C1orf167: variants seen among roughly 807,000 people sequenced by gnomAD.
C1orf167 encodes the protein uncharacterized protein C1orf167.
Under a neutral mutation model 176.5 loss-of-function variants are expected in C1orf167, and 153 were observed. The ratio of observed to expected loss-of-function variants is 0.87; its 90% confidence interval spans 0.76 to 0.99. The LOEUF (loss-of-function observed/expected upper bound fraction) is 0.99. Ranked by LOEUF, C1orf167 falls within the 50% of genes least tolerant of loss-of-function variation. The pLI is 0.00. For synonymous variants in C1orf167, 594 were observed against 752.7 expected (o/e 0.79, Z 3.45); for missense variants, 1,490 against 1,817.7 (o/e 0.82, Z 3.28).
chr1:11,767,296 G>A, intron 4 of C1orf167, 32 bp downstream of exon 4: 1 of 1,206,450 alleles, frequency 8.3e-7, no homozygotes, highest in South Asian at 1.3e-5. Context: ...GACAGGGGTT[G>A]GAGTTGGGGG....
chr1:11,779,102 C>T lies in C1orf167; in HGVS notation c.2651+22C>T, dbSNP rs1342582920. ...GGCGGTAGGGATCCCTCCCCATCCG[C>T]CCGCCACTCTATGGACTTACTGTTT... On this transcript the variant is annotated intron_variant, in intron 12 of 20. Coordinates refer to ENST00000688073, the MANE Select transcript of C1orf167 (RefSeq NM_001010881.2). 5 of 1,224,860 alleles carry T rather than the reference C, an allele frequency of 4.1e-6. No individual in the cohort carries two copies. In the African/African-American group the frequency reaches 7.9e-5, roughly 19 times the overall value. The allele number at this position is 1,224,860 out of a possible 1,614,324, so 75.9% of individuals were successfully genotyped here. A position where few individuals can be genotyped will look rare whatever the true frequency, so the allele number is the denominator to read the frequency against.
intron 8 of C1orf167, among the ~76,000 whole-genome samples, chr1:11,774,242 G>C (rs1643209167): frequency 6.6e-6 from 1 of 151,868 alleles, no homozygotes; most frequent in African/African-American, 2.4e-5. Flanking sequence ...AGTCCCACTG[G>C]TGAGCCATGA....
Position 11,766,316 on chromosome 1 carries a change from C to G in C1orf167, c.530C>G (p.Pro177Arg). Residue 177 changes from proline to arginine, a missense_variant, in exon 3 of 21, where the codon CCT becomes CGT. Physicochemically the swap from Pro to Arg is moderately radical, Grantham distance 103. Transcript: ENST00000688073. This position sits in a 1 kb window ranked among gnomAD's most constrained non-coding sequence, Gnocchi z 4.5. ...RQSGLPAPGTPSGDFRPTEAF... is the reference protein window; with the variant it reads ...RQSGLPAPGTRSGDFRPTEAF... ...TCCGGGCTGCCGGCCCCAGGCACCC[C>G]TAGCGGGGACTTCAGGCCCACTGAA... 1.6e-6 allele frequency: 2 copies of G among 1,288,090 alleles called. No homozygotes were observed. The highest frequency in any genetic ancestry group is 2.0e-6 in the Non-Finnish European group (2 of 988,232). 79.8% of individuals were successfully genotyped at this position (1,288,090 alleles called of 1,614,324 possible).
chr1:11,784,236 C>T lies in C1orf167; in HGVS notation c.3068C>T (p.Ala1023Val), dbSNP rs1213452147. 7.7e-7 allele frequency: 1 copy of T among 1,291,978 alleles called. No individual in the cohort carries two copies. Among genetic ancestry groups the T allele is most frequent in the South Asian group, 1.3e-5 (1 of 79,276 alleles). 80.0% of individuals were successfully genotyped at this position (1,291,978 alleles called of 1,614,324 possible). ...GGGGTGCTCCGGGCCCAGCATCAAG[C>T]CTTTCAGGATGGCCTGAGGAGAAGA... ...DTGVLRAQHQ[A>V]FQDGLRRRAL... Residue 1023 changes from alanine to valine, a missense_variant, in exon 15 of 21, where the codon GCC becomes GTC. Coordinates refer to ENST00000688073, the MANE Select transcript of C1orf167 (RefSeq NM_001010881.2).
chr1:11,782,877 C>T (rs1369070812), intron 14 of C1orf167, among the ~76,000 whole-genome samples: 1 of 147,708 alleles, frequency 6.8e-6, no homozygotes, highest in African/African-American at 2.5e-5. Flanking sequence ...CGAGATTGCA[C>T]CACTGCACTC....
chr1:11,789,472 A>G lies in C1orf167; in HGVS notation c.*26A>G. ...CTTGTTCTCATAGAATAAAAAACAGAACTGAACTTAGCCTTCCCAGGGAAG... is the reference window on the plus strand; with the variant it reads ...CTTGTTCTCATAGAATAAAAAACAGGACTGAACTTAGCCTTCCCAGGGAAG... On this transcript the variant is annotated 3_prime_UTR_variant, in exon 21 of 21. Coordinates refer to ENST00000688073, the MANE Select transcript of C1orf167 (RefSeq NM_001010881.2). The G allele has an allele frequency of 7.7e-7, 1 of 1,300,096 alleles. No homozygotes were observed. Among genetic ancestry groups the G allele is most frequent in the Non-Finnish European group, 1.0e-6 (1 of 986,816 alleles). 80.5% of individuals were successfully genotyped at this position (1,300,096 alleles called of 1,614,324 possible). A position where few individuals can be genotyped will look rare whatever the true frequency, so the allele number is the denominator to read the frequency against.
intron 12 of C1orf167, 130 bp downstream of exon 12, chr1:11,779,210 T>C: frequency 2.2e-6 from 2 of 894,256 alleles, no homozygotes; most frequent in Non-Finnish European, 2.9e-6. Flanking sequence ...CAGTTCCTCC[T>C]GTCTTCCTGC....
At chr1:11,785,081 G>T in intron 15 of C1orf167, 67 bp from the exon 16 acceptor site, 7 of 1,173,532 alleles carry the variant, frequency 6.0e-6, no homozygotes, top group East Asian at 6.3e-5. Flanking sequence ...GCAGGGCACT[G>T]GGGGGGCTCC....
In C1orf167 at chr1:11,784,672, C is replaced by T. The variant is rs549774366; in HGVS notation, c.3425+79C>T. 4.2e-4 allele frequency: 494 copies of T among 1,179,982 alleles called. 11 individuals are homozygous for T. In the South Asian group the frequency reaches 6.2e-3, roughly 15 times the overall value. 73.1% of individuals were successfully genotyped at this position (1,179,982 alleles called of 1,614,324 possible). On this transcript the variant is annotated intron_variant, in intron 15 of 20. Transcript: ENST00000688073. The stretch of plus-strand genomic sequence containing the variant: ...AAGCCTGTTTTTGGCAGGGGTAGAG[C>T]GTAATTCATGGCTGGGTGGCAGGGC...
chr1:11,775,709 G>A lies in C1orf167; in HGVS notation c.2164+99G>A. Reference sequence around the variant, plus strand: ...ATGTGAATTCTTGTGGGAGGTGATAGAACTGGGGCTTTCTAGGAGGGCAGC... The same window carrying A: ...ATGTGAATTCTTGTGGGAGGTGATAAAACTGGGGCTTTCTAGGAGGGCAGC... On this transcript the variant is annotated intron_variant, in intron 9 of 20. Coordinates refer to ENST00000688073, the MANE Select transcript of C1orf167 (RefSeq NM_001010881.2). The A allele has an allele frequency of 3.3e-6, 4 of 1,219,626 alleles. No homozygotes were observed. The South Asian group carries it at 5.9e-5, about 18-fold the overall frequency. 75.6% of individuals were successfully genotyped at this position (1,219,626 alleles called of 1,614,324 possible). A position where few individuals can be genotyped will look rare whatever the true frequency, so the allele number is the denominator to read the frequency against.
intron 3 of C1orf167, 66 bp downstream of exon 3, chr1:11,767,151 T>A: frequency 4.7e-6 from 6 of 1,283,840 alleles, no homozygotes; most frequent in Non-Finnish European, 6.1e-6. Context: ...GCAGGGAGGC[T>A]TGGCAGGGGG....
chr1:11,784,783 C>T (rs902011462), intron 15 of C1orf167, among the ~76,000 whole-genome samples, 190 bp downstream of exon 15: 1 of 152,226 alleles, frequency 6.6e-6, no homozygotes, highest in Non-Finnish European at 1.5e-5. Context: ...CCGCCTCTTG[C>T]TGTGTGTCCC....
rs1233476073 is a variant in C1orf167, at chr1:11,766,025, C to G, written c.239C>G (p.Pro80Arg). The G allele has an allele frequency of 7.8e-7, 1 of 1,289,810 alleles. No homozygotes were observed. The allele number at this position is 1,289,810 out of a possible 1,614,324, so 79.9% of individuals were successfully genotyped here. A position where few individuals can be genotyped will look rare whatever the true frequency, so the allele number is the denominator to read the frequency against. Reference protein sequence around the residue: ...RVQTNLASPGPRLGLALKDTT... With the variant: ...RVQTNLASPGRRLGLALKDTT... ...CAGACCAACCTGGCCAGCCCTGGTC[C>G]CCGCCTGGGCCTAGCTCTGAAGGAC... The change falls in exon 3 of 21, where the codon CCC becomes CGC. Residue 80 changes from proline to arginine, a missense_variant. By Grantham distance (103) the Pro-to-Arg change is moderately radical (BLOSUM62 -2). Coordinates refer to ENST00000688073, the MANE Select transcript of C1orf167 (RefSeq NM_001010881.2). This position sits in a 1 kb window ranked among gnomAD's most constrained non-coding sequence, Gnocchi z 4.5.
intron 16 of C1orf167, chr1:11,787,143 C>T (rs1356684502): frequency 1.0e-5 from 2 of 198,536 alleles, no homozygotes; most frequent in East Asian, 2.7e-4. Flanking sequence ...AGACAAGTAA[C>T]TCAGCTTTGA....
chr1:11,767,935 CTGCAGTG>C, intron 4 of C1orf167, 135 bp from the exon 5 acceptor site: 1 of 523,314 alleles, frequency 1.9e-6, no homozygotes, highest in Non-Finnish European at 2.9e-6. Flanking sequence ...TTCTTCCAGT[CTGCAGTG>C]TGATACTCCT....
At chr1:11,764,639 C>T (rs1462680662) in intron 2 of C1orf167, among the ~76,000 whole-genome samples, 169 bp downstream of exon 2, 2 of 152,198 alleles carry the variant, frequency 1.3e-5, no homozygotes, top group Admixed American at 1.3e-4. Context: ...AGCCTGGGGC[C>T]TAAGGAGGGG....
At position 11,789,254 on chromosome 1, in the gene C1orf167, TCCTCCCTGGTTCCAGGC is replaced by T. The variant is rs1644006810; in HGVS notation, c.4174-14_4176del. 7.7e-7 allele frequency: 1 copy of T among 1,302,664 alleles called. No individual in the cohort carries two copies. Among genetic ancestry groups the T allele is most frequent in the African/African-American group, 1.5e-5 (1 of 65,690 alleles). The allele number at this position is 1,302,664 out of a possible 1,614,324, so 80.7% of individuals were successfully genotyped here. On this transcript the variant is annotated splice_acceptor_variant and splice_polypyrimidine_tract_variant and coding_sequence_variant and intron_variant, in exon 21 of 21. Transcript: ENST00000688073. LOFTEE classifies it high-confidence loss of function. ...AAGCCCACAACAATAGCATTTCCTC[TCCTCCCTGGTTCCAGGC>T]CTTTAAGAAGTGGCACCAACGCCTG... is the stretch of plus-strand genomic sequence containing the variant.
chr1:11,786,017 G>C (rs1433197862), intron 16 of C1orf167: 1 of 137,984 alleles, frequency 7.2e-6, no homozygotes, highest in Admixed American at 7.8e-5. Context: ...ACAGGTGTGA[G>C]CCACCGCGCC....
chr1:11,782,651 T>C (rs1345216722), intron 14 of C1orf167, among the ~76,000 whole-genome samples: 1 of 152,164 alleles, frequency 6.6e-6, no homozygotes, highest in East Asian at 1.9e-4. Flanking sequence ...CTGGGAACAG[T>C]GGATCATACC....
Sources: gnomAD v4.1 joint callset for allele counts (sites outside exome capture counted in the v4.1 genomes callset) on GRCh38, gnomAD v4.1.1 for gene constraint, Gnocchi (gnomAD v3.1) non-coding constraint, MANE v1.5 for transcripts, NCBI Gene and HGNC (gene_info 2026-07-23, HGNC 2026-07-21) for gene names.